SAMD9: variants seen among roughly 807,000 people sequenced by gnomAD.
SAMD9 encodes sterile alpha motif domain-containing protein 9.
In SAMD9, 3 loss-of-function variants were observed where a neutral mutation model predicts 1.5. That is an observed-to-expected ratio of 2.05 (90% CI 0.93 to 5.29). The LOEUF (loss-of-function observed/expected upper bound fraction) is 5.29. SAMD9 is among the 30% of genes most tolerant of loss of function. The pLI is 0.02. For synonymous variants in SAMD9, 635 were observed against 631.9 expected, an observed-to-expected ratio of 1.00 and a Z score of -0.07; for missense variants, 1,597 against 1,820.8, an observed-to-expected ratio of 0.88 and a Z score of 2.24.
Position 93,111,728 on chromosome 7 carries a change from G to A in SAMD9, c.-9+3067C>T, listed in dbSNP as rs1236595711. Among the ~76,000 whole-genome samples, 9 of 152,184 alleles carry A rather than the reference G, an allele frequency of 5.9e-5. No individual in the cohort carries two copies. The South Asian group carries it at 1.2e-3, about 21-fold the overall frequency. ...TCTAGAAGAAATGGATAAATTCCTC[G>A]ACACATACACCCTCCCAAGACTAAA... On this transcript the variant is annotated intron_variant, in intron 2 of 2. Coordinates refer to ENST00000379958, the MANE Select transcript of SAMD9 (RefSeq NM_017654.4).
intron 2 of SAMD9, among the ~76,000 whole-genome samples, chr7:93,110,134 G>A (rs1186760763): frequency 1.3e-5 from 2 of 152,234 alleles, no homozygotes; most frequent in African/African-American, 2.4e-5. Context: ...CAAACCAGAA[G>A]AGAGTGGGGG....
In SAMD9 at chr7:93,117,865, A is replaced by G. The variant is rs914223313; in HGVS notation, c.-112T>C. On this transcript the variant is annotated splice_region_variant and 5_prime_UTR_variant, in exon 1 of 3. Transcript: ENST00000379958. ...TTAATAATAGATATTGTACTTACCCAGTAGTCTTGCAAATTTCTTTTACAT... is the reference window on the plus strand; with the variant it reads ...TTAATAATAGATATTGTACTTACCCGGTAGTCTTGCAAATTTCTTTTACAT... The G allele has an allele frequency of 1.3e-5, 2 of 152,254 alleles. No individual in the cohort carries two copies. Among genetic ancestry groups the G allele is most frequent in the African/African-American group, 2.4e-5 (1 of 41,478 alleles). 9.4% of individuals were successfully genotyped at this position (152,254 alleles called of 1,614,324 possible).
In SAMD9 at chr7:93,102,279, T is replaced by C. The variant is rs372742802; in HGVS notation, c.3819A>G (p.Glu1273=). 2.2e-5 allele frequency: 35 copies of C among 1,612,660 alleles called. No homozygotes were observed. The highest frequency in any genetic ancestry group is 3.0e-5 in the Non-Finnish European group (35 of 1,178,972). The change falls in exon 3 of 3, where the codon GAA becomes GAG. Residue 1273 remains glutamate (E), a synonymous_variant. Transcript: ENST00000379958. The stretch of plus-strand genomic sequence containing the variant: ...TCCTGGGTTTTAGCAGGACAAAGTA[T>C]TCATCAAAAAAATCAAAGGACTTTT... ...SLKKSFDFFD[E]YFVLLKPRNN... is the part of the protein sequence containing the mutation.
At position 93,104,320 on chromosome 7, in the gene SAMD9, C is replaced by T. The variant is rs761342789; in HGVS notation, c.1778G>A (p.Arg593Lys). 2 of 1,613,654 alleles carry T rather than the reference C, an allele frequency of 1.2e-6. No homozygotes were observed. The highest frequency in any genetic ancestry group is 1.7e-6 in the Non-Finnish European group (2 of 1,179,734). Residue 593 changes from arginine (R) to lysine (K), a missense_variant, in exon 3 of 3, where the codon AGA becomes AAA. Arg to Lys is a conservative substitution (Grantham distance 26, BLOSUM62 2). This residue lies in a region of SAMD9 where 358 missense variants were observed against 460.4 expected (regional missense o/e 0.78). Coordinates refer to ENST00000379958, the MANE Select transcript of SAMD9 (RefSeq NM_017654.4). ...AATTTCATCTTGGTGTTTTATTAAT[C>T]TTGCTTCAAGTAGATCTTTCCATCC... ...FQGWKDLLEARLIKHQDEISS... is the reference protein window; with the variant it reads ...FQGWKDLLEAKLIKHQDEISS...
intron 2 of SAMD9, among the ~76,000 whole-genome samples, chr7:93,112,138 A>C (rs1165104717): frequency 6.6e-6 from 1 of 152,230 alleles, no homozygotes; most frequent in Non-Finnish European, 1.5e-5. Context: ...CTGGGATGCA[A>C]GGCTGGTTCA....
At position 93,103,274 on chromosome 7, in the gene SAMD9, A is replaced by G; in HGVS notation, c.2824T>C (p.Leu942=). ...AAAGCCTTCTTGTTTCCAATTCCTAAGAATTTTTCACACTGTGATAGTGAA... is the reference window on the plus strand; with the variant it reads ...AAAGCCTTCTTGTTTCCAATTCCTAGGAATTTTTCACACTGTGATAGTGAA... The part of the protein sequence containing the change: ...TISLSQCEKF[L]GIGNKKAFWG... Residue 942 remains leucine (L), a synonymous_variant, in exon 3 of 3, where the codon TTA becomes CTA. Transcript: ENST00000379958. 1 of 1,613,740 alleles carries G rather than the reference A, an allele frequency of 6.2e-7. No individual in the cohort carries two copies. The highest frequency in any genetic ancestry group is 8.5e-7 in the Non-Finnish European group (1 of 1,179,762).
chr7:93,116,954 A>G lies in SAMD9; in HGVS notation c.-110+909T>C, dbSNP rs75633430. On this transcript the variant is annotated intron_variant, in intron 1 of 2. Transcript: ENST00000379958. ...GAAGGGAGTTGAAGGTCAGACCTTT[A>G]TTCAGAAATGTGATCCTCCAACCGT... Among the ~76,000 whole-genome samples, 648 of 152,276 alleles carry G rather than the reference A, an allele frequency of 4.3e-3. 3 individuals are homozygous for G. The highest frequency in any genetic ancestry group is 0.015 in the African/African-American group (626 of 41,562).
intron 2 of SAMD9, among the ~76,000 whole-genome samples, chr7:93,114,229 T>G (rs1192755908): frequency 6.9e-6 from 1 of 145,744 alleles, no homozygotes; most frequent in Non-Finnish European, 1.5e-5. Context: ...ATGTTCTCAC[T>G]CACAGGTGGG....
At position 93,102,157 on chromosome 7, in the gene SAMD9, T is replaced by A. The variant is rs1791542193; in HGVS notation, c.3941A>T (p.Gln1314Leu). 1 of 1,613,540 alleles carries A rather than the reference T, an allele frequency of 6.2e-7. No homozygotes were observed. The highest frequency in any genetic ancestry group is 1.3e-5 in the African/African-American group (1 of 74,908). ...CTTTGATCCAAGACCTGTGTTGTTTTGTGATTCTTCTAAGAGACAAAATAT... is the reference window on the plus strand; with the variant it reads ...CTTTGATCCAAGACCTGTGTTGTTTAGTGATTCTTCTAAGAGACAAAATAT... ...VDIFCLLEES[Q>L]NNTGLGSKFS... The change falls in exon 3 of 3, where the codon CAA (glutamine) becomes CTA (leucine). Residue 1314 changes from glutamine to leucine, a missense_variant. Coordinates refer to ENST00000379958, the MANE Select transcript of SAMD9 (RefSeq NM_017654.4).
rs779236948 is a variant in SAMD9, at chr7:93,104,260, T to C, written c.1838A>G (p.Glu613Gly). The change falls in exon 3 of 3, where the codon GAG (glutamate) becomes GGG (glycine). Residue 613 changes from glutamate (E) to glycine (G), a missense_variant. Physicochemically the swap from Glu to Gly is moderately conservative, Grantham distance 98 (BLOSUM62 -2). Transcript: ENST00000379958. Reference protein sequence around the residue: ...SQCISALSLEEINGTILKLKS... With the variant: ...SQCISALSLEGINGTILKLKS... Reference sequence around the variant, plus strand: ...TAGTTTAAGAATAGTGCCATTGATCTCTTCAAGGCTTAAAGCAGAAATACA... The same window carrying C: ...TAGTTTAAGAATAGTGCCATTGATCCCTTCAAGGCTTAAAGCAGAAATACA... 6 of 1,612,636 alleles carry C rather than the reference T, an allele frequency of 3.7e-6. No homozygotes were observed. In the African/African-American group the frequency reaches 6.7e-5, roughly 18 times the overall value.
intron 2 of SAMD9, 128 bp from the exon 3 acceptor site, chr7:93,106,233 CTT>C (rs1343280312): frequency 1.9e-6 from 1 of 539,806 alleles, no homozygotes; most frequent in African/African-American, 1.9e-5. Context: ...TGAATTATCT[CTT>C]GAGAGAATGT....
chr7:93,101,257 G>A lies in SAMD9; in HGVS notation c.*71C>T. On this transcript the variant is annotated 3_prime_UTR_variant, in exon 3 of 3. Transcript: ENST00000379958. ...GTATCTATAACCTTGCCGGTTTAAA[G>A]CATAGATCTTGAGTCCAAAAAAATT... The A allele has an allele frequency of 1.6e-6, 2 of 1,219,816 alleles. No individual in the cohort carries two copies. The highest frequency in any genetic ancestry group is 1.2e-5 in the South Asian group (1 of 83,302). 75.6% of individuals were successfully genotyped at this position (1,219,816 alleles called of 1,614,324 possible).
At chr7:93,109,034 C>A (rs934452717) in intron 2 of SAMD9, among the ~76,000 whole-genome samples, 2 of 152,212 alleles carry the variant, frequency 1.3e-5, no homozygotes, top group Non-Finnish European at 2.9e-5. Context: ...AGTAGCCTAA[C>A]TGGGAGACAC....
chr7:93,105,159 G>A lies in SAMD9; in HGVS notation c.939C>T (p.Phe313=). The A allele has an allele frequency of 1.9e-6, 3 of 1,613,480 alleles. No homozygotes were observed. The highest frequency in any genetic ancestry group is 2.5e-6 in the Non-Finnish European group (3 of 1,179,742). Reference sequence around the variant, plus strand: ...GGAAATAATCATATTGGCATTCAGAGAACTGTGGAATAATGTCCACTTCAA... The same window carrying A: ...GGAAATAATCATATTGGCATTCAGAAAACTGTGGAATAATGTCCACTTCAA... The part of the protein sequence containing the change: ...FVIEVDIIPQ[F]SECQYDYFQI... Residue 313 remains phenylalanine, a synonymous_variant, in exon 3 of 3, where the codon TTC becomes TTT. Coordinates refer to ENST00000379958, the MANE Select transcript of SAMD9 (RefSeq NM_017654.4).
chr7:93,113,001 TC>T (rs1454196273), intron 2 of SAMD9, among the ~76,000 whole-genome samples: 4 of 152,154 alleles, frequency 2.6e-5, no homozygotes, highest in Non-Finnish European at 5.9e-5. Context: ...GCCAAGTCAA[TC>T]CCAAGCCAAA....
chr7:93,110,050 C>A (rs1791713431), intron 2 of SAMD9, among the ~76,000 whole-genome samples: 1 of 152,080 alleles, frequency 6.6e-6, no homozygotes, highest in African/African-American at 2.4e-5. Flanking sequence ...TTAAGGGCAG[C>A]CAGAAAGAAA....
Position 93,105,829 on chromosome 7 carries a change from T to G in SAMD9, c.269A>C (p.Lys90Thr). The G allele has an allele frequency of 6.2e-7, 1 of 1,614,186 alleles. No individual in the cohort carries two copies. Among genetic ancestry groups the G allele is most frequent in the Non-Finnish European group, 8.5e-7 (1 of 1,180,026 alleles). ...EDSIQTSKMG[K>T]PSKNAPKDQT... Reference sequence around the variant, plus strand: ...GTCTTTAGGAGCATTTTTACTGGGCTTTCCCATCTTAGATGTCTGAATCGA... The same window carrying G: ...GTCTTTAGGAGCATTTTTACTGGGCGTTCCCATCTTAGATGTCTGAATCGA... Residue 90 changes from lysine (K) to threonine (T), a missense_variant, in exon 3 of 3, where the codon AAG becomes ACG. Lys to Thr is a moderately conservative substitution (Grantham distance 78, BLOSUM62 -1). Transcript: ENST00000379958.
At chr7:93,113,801 A>T (rs1308547738) in intron 2 of SAMD9, among the ~76,000 whole-genome samples, 2 of 152,192 alleles carry the variant, frequency 1.3e-5, no homozygotes, top group Non-Finnish European at 2.9e-5. Flanking sequence ...AGGAAACAAC[A>T]GGTGCTGGAG....
rs1277666778 is a variant in SAMD9 at position 93,104,346 on chromosome 7, C to T, written c.1752G>A (p.Gln584=). Reference sequence around the variant, plus strand: ...TTGCTTCAAGTAGATCTTTCCATCCCTGAAATATGTGTGGGTGCACACAAA... The same window carrying T: ...TTGCTTCAAGTAGATCTTTCCATCCTTGAAATATGTGTGGGTGCACACAAA... The part of the protein sequence containing the change: ...LCICVHPHIF[Q]GWKDLLEARL... Residue 584 remains glutamine (Q), a synonymous_variant, in exon 3 of 3, where the codon CAG becomes CAA. Coordinates refer to ENST00000379958, the MANE Select transcript of SAMD9 (RefSeq NM_017654.4). The T allele has an allele frequency of 1.2e-6, 2 of 1,613,792 alleles. No individual in the cohort carries two copies. The highest frequency in any genetic ancestry group is 2.2e-5 in the East Asian group (1 of 44,872).
Sources: allele counts gnomAD v4.1 joint callset (sites outside exome capture counted in the v4.1 genomes callset), GRCh38; gene constraint gnomAD v4.1.1; regional missense constraint gnomAD v4.1.1; transcripts MANE v1.5; gene names NCBI Gene and HGNC (gene_info 2026-07-23, HGNC 2026-07-21).